HLCS: variants seen among roughly 807,000 people sequenced by gnomAD.
HLCS encodes holocarboxylase synthetase.
Under a neutral mutation model 75.0 loss-of-function variants are expected in HLCS, and 53 were observed. The observed-to-expected ratio is 0.71, with a 90% CI of 0.57 to 0.89. HLCS has a LOEUF of 0.89. HLCS is among the 40% of genes least tolerant of loss of function. HLCS has a pLI of 0.00. For missense variants in HLCS, 966 were observed against 1,074.0 expected (o/e 0.90, Z 1.41); for synonymous variants, 431 against 428.6 (o/e 1.01, Z -0.07).
intron 6 of HLCS, among the ~76,000 whole-genome samples, chr21:36,781,653 C>T (rs934902742): frequency 9.9e-5 from 15 of 152,028 alleles, no homozygotes; most frequent in African/African-American, 3.6e-4. Context: ...TTCTCATTTC[C>T]TCTGCAAACA....
chr21:36,800,489 G>A (rs527437854), intron 6 of HLCS, among the ~76,000 whole-genome samples: 28 of 152,244 alleles, frequency 1.8e-4, no homozygotes, highest in Admixed American at 4.6e-4. Flanking sequence ...TGCCGGTACC[G>A]CTCTTGGCAG....
At chr21:36,876,328 A>C (rs2063975923) in intron 6 of HLCS, among the ~76,000 whole-genome samples, 1 of 152,162 alleles carries the variant, frequency 6.6e-6, no homozygotes, top group African/African-American at 2.4e-5. Context: ...ATTTTCGTAT[A>C]CATTTCCACA....
intron 1 of HLCS, among the ~76,000 whole-genome samples, chr21:36,964,241 T>C (rs2068454482): frequency 6.6e-6 from 1 of 152,162 alleles, no homozygotes; most frequent in Admixed American, 6.6e-5. Flanking sequence ...GGGCATGAGA[T>C]TCAGGTGTGT....
At chr21:36,870,069 C>G (rs1462354973) in intron 6 of HLCS, among the ~76,000 whole-genome samples, 1 of 152,212 alleles carries the variant, frequency 6.6e-6, no homozygotes, top group African/African-American at 2.4e-5. Context: ...TAATTCCACA[C>G]CAAAGCATGC....
At chr21:36,820,503 A>G (rs2061804650) in intron 6 of HLCS, among the ~76,000 whole-genome samples, 1 of 152,168 alleles carries the variant, frequency 6.6e-6, no homozygotes, top group Non-Finnish European at 1.5e-5. Flanking sequence ...TTCAGAGCAA[A>G]GTTGTGGCCA....
intron 6 of HLCS, among the ~76,000 whole-genome samples, chr21:36,819,062 T>C (rs1358656786): frequency 1.3e-5 from 2 of 152,026 alleles, no homozygotes; most frequent in African/African-American, 4.8e-5. Context: ...CCTACAGAAC[T>C]GGCAGGAAGC....
chr21:36,936,627 G>C lies in HLCS; in HGVS notation c.1259C>G (p.Ser420Cys). The C allele has an allele frequency of 6.2e-7, 1 of 1,614,192 alleles. No individual in the cohort carries two copies. The highest frequency in any genetic ancestry group is 8.5e-7 in the Non-Finnish European group (1 of 1,180,034). The change falls in exon 4 of 11, where the codon TCC becomes TGC. Residue 420 changes from serine (S) to cysteine (C), a missense_variant. Ser to Cys is a moderately radical substitution (Grantham distance 112, BLOSUM62 -1). Transcript: ENST00000674895. ...LHKTVQNLVF[S>C]KADQSEVKLS... The stretch of plus-strand genomic sequence containing the variant: ...CTTCACCTCGCTCTGGTCAGCCTTG[G>C]AGAAAACCAAGTTCTGGACTGTCTT...
chr21:36,917,845 C>G (rs56296103), intron 5 of HLCS, among the ~76,000 whole-genome samples: 5 of 151,474 alleles, frequency 3.3e-5, no homozygotes, highest in Non-Finnish European at 5.9e-5. Context: ...ACAGGCCATT[C>G]TAGGTAACAG....
chr21:36,985,133 C>A (rs1366524280), intron 1 of HLCS, among the ~76,000 whole-genome samples: 1 of 152,222 alleles, frequency 6.6e-6, no homozygotes, highest in African/African-American at 2.4e-5. Flanking sequence ...GAAAATTTAA[C>A]ACTGCAATAT....
At chr21:36,763,689 G>A (rs1034022112) in intron 8 of HLCS, among the ~76,000 whole-genome samples, 1 of 152,198 alleles carries the variant, frequency 6.6e-6, no homozygotes, top group Non-Finnish European at 1.5e-5. Flanking sequence ...CATAGGAGCT[G>A]CTGGGGGAGG....
At chr21:36,900,365 A>G (rs2065186012) in intron 5 of HLCS, among the ~76,000 whole-genome samples, 1 of 152,186 alleles carries the variant, frequency 6.6e-6, no homozygotes, top group South Asian at 2.1e-4. Flanking sequence ...GATTCCAGCA[A>G]GTGCAGAGGC....
rs193027497 is a variant in HLCS, at chr21:36,842,178, G to A, written c.1892+54682C>T. On this transcript the variant is annotated intron_variant, in intron 6 of 10. Coordinates refer to ENST00000674895, the MANE Select transcript of HLCS (RefSeq NM_001352514.2). The surrounding 1 kb of genome is among the most constrained non-coding windows in gnomAD (Gnocchi z 4.2). ...AACAAACTATAGCAACAACACAGAT[G>A]ACAAGTCAGAATGCAAGAGGCCATG... Among the ~76,000 whole-genome samples the A allele has an allele frequency of 2.2e-3, 342 of 152,302 alleles. 4 individuals carry two copies. The highest frequency in any genetic ancestry group is 6.8e-3 in the Middle Eastern group (2 of 294).
chr21:36,818,304 G>A lies in HLCS; in HGVS notation c.1893-51019C>T, dbSNP rs8134223. 2.8e-3 allele frequency among the ~76,000 whole-genome samples: 427 copies of A among 152,260 alleles called. 1 individual carries two copies. The highest frequency in any genetic ancestry group is 9.7e-3 in the African/African-American group (401 of 41,542). ...TAATCCTATTTCTAAAGACCCTCCC[G>A]CGAGGAGCACATAGGCCGTGATGAA... On this transcript the variant is annotated intron_variant, in intron 6 of 10. Coordinates refer to ENST00000674895, the MANE Select transcript of HLCS (RefSeq NM_001352514.2).
chr21:36,924,937 T>C (rs1020848539), intron 5 of HLCS, among the ~76,000 whole-genome samples: 2 of 152,122 alleles, frequency 1.3e-5, no homozygotes, highest in Admixed American at 6.5e-5. Context: ...TGTTCATGTA[T>C]ATCAAATCAT....
At chr21:36,904,914 A>T (rs916198669) in intron 5 of HLCS, among the ~76,000 whole-genome samples, 1 of 152,242 alleles carries the variant, frequency 6.6e-6, no homozygotes, top group Non-Finnish European at 1.5e-5. Flanking sequence ...ATAGACATCA[A>T]GACAAGTGGG....
In HLCS at chr21:36,948,550, T is replaced by G. The variant is rs556395782; in HGVS notation, c.331-9556A>C. On this transcript the variant is annotated intron_variant, in intron 2 of 10. Coordinates refer to ENST00000674895, the MANE Select transcript of HLCS (RefSeq NM_001352514.2). ...TTCAAGACCAGCCTGGGCAACAAGG[T>G]GAAACCCCATCTCTACTAAAAACAA... 3.3e-5 allele frequency among the ~76,000 whole-genome samples: 5 copies of G among 150,702 alleles called. No homozygotes were observed. The South Asian group carries it at 8.4e-4, about 25-fold the overall frequency.
At chr21:36,784,596 GTGAGCCACCATGCCCGGCC>G (rs1297102612) in intron 6 of HLCS, among the ~76,000 whole-genome samples, 2 of 152,104 alleles carry the variant, frequency 1.3e-5, no homozygotes. Flanking sequence ...GATTACAGGC[GTGAGCCACCATGCCCGGCC>G]GGCCAGCCTC....
intron 6 of HLCS, among the ~76,000 whole-genome samples, chr21:36,817,667 A>G (rs1438728294): frequency 2.0e-5 from 3 of 152,226 alleles, no homozygotes; most frequent in African/African-American, 7.2e-5. Context: ...CGTTAGAGAC[A>G]TCCAAACTGT....
chr21:36,859,137 C>T lies in HLCS; in HGVS notation c.1892+37723G>A, dbSNP rs150279556. Among the ~76,000 whole-genome samples, 513 of 152,368 alleles carry T rather than the reference C, an allele frequency of 3.4e-3. 2 individuals are homozygous for T. The highest frequency in any genetic ancestry group is 0.011 in the African/African-American group (473 of 41,590). Reference sequence around the variant, plus strand: ...TCCCGAGTTCAAGCGATTCTCCTGCCTCAGCCTCCTGAGTAGCTGGGATTA... The same window carrying T: ...TCCCGAGTTCAAGCGATTCTCCTGCTTCAGCCTCCTGAGTAGCTGGGATTA... On this transcript the variant is annotated intron_variant, in intron 6 of 10. Coordinates refer to ENST00000674895, the MANE Select transcript of HLCS (RefSeq NM_001352514.2).
Sources: gnomAD v4.1 joint callset for allele counts (sites outside exome capture counted in the v4.1 genomes callset) on GRCh38, gnomAD v4.1.1 for gene constraint, Gnocchi (gnomAD v3.1) non-coding constraint, MANE v1.5 for transcripts, NCBI Gene and HGNC (gene_info 2026-07-23, HGNC 2026-07-21) for gene names.